The following KCNT2 variants were observed in gnomAD, a reference collection of about 807,000 sequenced individuals.
KCNT2 encodes the protein potassium channel subfamily T member 2.
A neutral mutation model predicts 153.8 loss-of-function variants in KCNT2; 67 were observed. The observed-to-expected ratio is 0.44, with a 90% CI of 0.36 to 0.53. KCNT2 has a LOEUF of 0.53. KCNT2 is among the 20% of genes least tolerant of loss of function. The pLI is 0.00. For missense variants in KCNT2, 975 were observed against 1,354.8 expected (o/e 0.72, Z 4.40); for synonymous variants, 500 against 458.8 (o/e 1.09, Z -1.15).
At chr1:196,264,301 T>C (rs1657310608) in intron 25 of KCNT2, among the ~76,000 whole-genome samples, 1 of 152,166 alleles carries the variant, frequency 6.6e-6, no homozygotes, top group Non-Finnish European at 1.5e-5. Context: ...TTCATTGTTT[T>C]TAATGGTTTG....
chr1:196,353,881 T>A (rs944436037), intron 14 of KCNT2, among the ~76,000 whole-genome samples: 3 of 151,844 alleles, frequency 2.0e-5, no homozygotes, highest in African/African-American at 7.2e-5. Context: ...AAGGGAGAAA[T>A]AAAGGATTTA....
intron 1 of KCNT2, among the ~76,000 whole-genome samples, chr1:196,518,391 G>T (rs1342724310): frequency 1.3e-5 from 2 of 150,326 alleles, no homozygotes; most frequent in African/African-American, 4.9e-5. Context: ...CACATGAGAG[G>T]ATCAAATCCA....
In KCNT2 at chr1:196,298,250, G is replaced by A. The variant is rs111479742; in HGVS notation, c.2595+6984C>T. Among the ~76,000 whole-genome samples the A allele has an allele frequency of 7.0e-3, 1,058 of 152,194 alleles. 11 individuals are homozygous for A. Among genetic ancestry groups the A allele is most frequent in the African/African-American group, 0.022 (898 of 41,520 alleles). ...TTGGCAAAGACTCCACAAGTTAAGG[G>A]GCTCAGTCCCAGAAGACTGCACCCA... On this transcript the variant is annotated intron_variant, in intron 22 of 27. Transcript: ENST00000294725.
intron 1 of KCNT2, among the ~76,000 whole-genome samples, chr1:196,590,217 T>C (rs1315575960): frequency 6.6e-6 from 1 of 152,188 alleles, no homozygotes; most frequent in Non-Finnish European, 1.5e-5. Flanking sequence ...TGCCAATCTT[T>C]ACTTTTCCCA....
At chr1:196,476,874 C>T (rs186108180) in intron 5 of KCNT2, among the ~76,000 whole-genome samples, 2 of 152,230 alleles carry the variant, frequency 1.3e-5, no homozygotes, top group East Asian at 3.9e-4. Flanking sequence ...CTCCATTTAA[C>T]AATTTTGACA....
intron 5 of KCNT2, among the ~76,000 whole-genome samples, chr1:196,476,630 C>T (rs1678556612): frequency 6.6e-6 from 1 of 152,116 alleles, no homozygotes; most frequent in African/African-American, 2.4e-5. Flanking sequence ...CACGACTTTC[C>T]ACCTTCTGCA....
intron 1 of KCNT2, among the ~76,000 whole-genome samples, chr1:196,559,491 T>A (rs1484315400): frequency 4.6e-5 from 7 of 151,688 alleles, no homozygotes; most frequent in Admixed American, 4.6e-4. Context: ...AGAAGTGGAG[T>A]TACTTGGTCA....
At chr1:196,230,053 G>T (rs1200063531) in intron 27 of KCNT2, among the ~76,000 whole-genome samples, 1 of 151,984 alleles carries the variant, frequency 6.6e-6, no homozygotes, top group Non-Finnish European at 1.5e-5. Flanking sequence ...GATGAAGGTG[G>T]CTAAATTAAA....
intron 22 of KCNT2, among the ~76,000 whole-genome samples, chr1:196,300,931 C>T (rs1207707600): frequency 1.3e-5 from 2 of 152,104 alleles, no homozygotes; most frequent in Non-Finnish European, 2.9e-5. Flanking sequence ...TCTGACTCCC[C>T]ACCGTCCTAC....
At chr1:196,591,540 T>G (rs1043521337) in intron 1 of KCNT2, among the ~76,000 whole-genome samples, 3 of 152,174 alleles carry the variant, frequency 2.0e-5, no homozygotes, top group South Asian at 2.1e-4. Context: ...TGAAGACTCA[T>G]TAATCAACAT....
chr1:196,285,761 G>A lies in KCNT2; in HGVS notation c.2596-3C>T, dbSNP rs1405376362. 1 of 1,589,548 alleles carries A rather than the reference G, an allele frequency of 6.3e-7. No homozygotes were observed. The highest frequency in any genetic ancestry group is 8.6e-7 in the Non-Finnish European group (1 of 1,159,766). ...TTAGAGCCTCTCTCCCGTTCTTTCT[G>A]TTCAGAAATTTGAGATAGAAAAATT... On this transcript the variant is annotated splice_region_variant and splice_polypyrimidine_tract_variant and intron_variant, in intron 22 of 27. Coordinates refer to ENST00000294725, the MANE Select transcript of KCNT2 (RefSeq NM_198503.5).
intron 1 of KCNT2, among the ~76,000 whole-genome samples, chr1:196,529,745 A>G (rs1202813005): frequency 2.6e-5 from 4 of 152,144 alleles, no homozygotes; most frequent in African/African-American, 9.7e-5. Context: ...ATTATTTTAC[A>G]GAACACTGTG....
chr1:196,376,497 C>A (rs1558214097), intron 13 of KCNT2, among the ~76,000 whole-genome samples: 1 of 151,902 alleles, frequency 6.6e-6, no homozygotes, highest in East Asian at 1.9e-4. Flanking sequence ...ACCAAGACTA[C>A]AAAAATATTT....
chr1:196,483,562 G>C (rs1004503977), intron 3 of KCNT2, among the ~76,000 whole-genome samples: 3 of 152,090 alleles, frequency 2.0e-5, no homozygotes, highest in African/African-American at 7.2e-5. Flanking sequence ...TATTCAAGTG[G>C]ACTCATTCCT....
At chr1:196,501,357 A>C (rs1224215438) in intron 1 of KCNT2, among the ~76,000 whole-genome samples, 1 of 152,200 alleles carries the variant, frequency 6.6e-6, no homozygotes, top group Non-Finnish European at 1.5e-5. Context: ...GTAGATATAG[A>C]TACACACACA....
chr1:196,458,325 T>C (rs1198368294), intron 8 of KCNT2, among the ~76,000 whole-genome samples: 1 of 151,912 alleles, frequency 6.6e-6, no homozygotes, highest in African/African-American at 2.4e-5. Flanking sequence ...CATTTTATTT[T>C]AGAAAATATT....
intron 23 of KCNT2, among the ~76,000 whole-genome samples, chr1:196,284,302 G>A (rs1349891218): frequency 5.0e-5 from 5 of 99,588 alleles, no homozygotes; most frequent in South Asian, 3.8e-4. Flanking sequence ...TCTTTCTTCC[G>A]AAGTTTCAGA....
chr1:196,235,993 C>A lies in KCNT2; in HGVS notation c.3289G>T (p.Asp1097Tyr). 6.3e-7 allele frequency: 1 copy of A among 1,583,006 alleles called. No homozygotes were observed. The highest frequency in any genetic ancestry group is 8.7e-7 in the Non-Finnish European group (1 of 1,153,318). ...PSPDTRIELN[D>Y]VVYLIRPDPL... ...GATATGAGATCAACTTACACAACAT[C>A]ATTCAGCTCTATTCTGGTATCTGGA... The change falls in exon 27 of 28, where the codon GAT (aspartate) becomes TAT (tyrosine). Residue 1097 changes from aspartate (D) to tyrosine (Y), a missense_variant. Coordinates refer to ENST00000294725, the MANE Select transcript of KCNT2 (RefSeq NM_198503.5).
chr1:196,345,509 G>C (rs1666067559), intron 14 of KCNT2, among the ~76,000 whole-genome samples: 1 of 152,116 alleles, frequency 6.6e-6, no homozygotes, highest in African/African-American at 2.4e-5. Flanking sequence ...GGATCATGTA[G>C]GACTTTATAA....
Sources: allele counts gnomAD v4.1 joint callset (sites outside exome capture counted in the v4.1 genomes callset), GRCh38; gene constraint gnomAD v4.1.1; transcripts MANE v1.5; gene names NCBI Gene and HGNC (gene_info 2026-07-23, HGNC 2026-07-21).